The following MCTP1 variants were observed in gnomAD, a reference collection of about 807,000 sequenced individuals.
MCTP1 encodes multiple C2 and transmembrane domain-containing protein 1.
In MCTP1, 69 loss-of-function variants were observed where a neutral mutation model predicts 120.6. The ratio of observed to expected loss-of-function variants is 0.57; its 90% CI spans 0.47 to 0.70. The LOEUF is 0.70. Ranked by LOEUF, MCTP1 falls within the 30% of genes least tolerant of loss-of-function variation. The probability of loss-of-function intolerance (pLI) is 0.00; values close to 1 mark genes in which losing one functional copy is unlikely to be tolerated. For synonymous variants in MCTP1, 529 were observed against 493.1 expected, an observed-to-expected ratio of 1.07 and a Z score of -0.96; for missense variants, 1,203 against 1,248.8, an observed-to-expected ratio of 0.96 and a Z score of 0.55.
chr5:94,764,926 A>G (rs1265308926), intron 19 of MCTP1, among the ~76,000 whole-genome samples: 2 of 152,078 alleles, frequency 1.3e-5, no homozygotes, highest in Non-Finnish European at 2.9e-5. Flanking sequence ...CATTTAATCG[A>G]ACAGCTGCAG....
intron 1 of MCTP1, among the ~76,000 whole-genome samples, chr5:95,132,783 A>G (rs1759144544): frequency 6.6e-6 from 1 of 152,222 alleles, no homozygotes; most frequent in African/African-American, 2.4e-5. Flanking sequence ...TTGGCTTTGT[A>G]GCATGTATCA....
intron 19 of MCTP1, among the ~76,000 whole-genome samples, chr5:94,744,233 C>T (rs1413004355): frequency 2.0e-5 from 3 of 152,218 alleles, no homozygotes; most frequent in Non-Finnish European, 4.4e-5. Flanking sequence ...CTTGGCCTCC[C>T]AAAGTGCTCG....
intron 1 of MCTP1, among the ~76,000 whole-genome samples, chr5:95,126,644 AT>A (rs758797299): frequency 6.6e-6 from 1 of 152,154 alleles, no homozygotes; most frequent in Non-Finnish European, 1.5e-5. Context: ...GTGTGTCATT[AT>A]TTTATTGCAC....
intron 1 of MCTP1, among the ~76,000 whole-genome samples, chr5:95,240,354 ATAGAT>A (rs1458189473): frequency 1.3e-5 from 2 of 152,224 alleles, no homozygotes; most frequent in African/African-American, 4.8e-5. Context: ...ATGTAGTAGT[ATAGAT>A]TAGATATGAT....
intron 3 of MCTP1, among the ~76,000 whole-genome samples, chr5:94,952,237 T>C (rs906825951): frequency 1.1e-4 from 16 of 148,244 alleles, no homozygotes; most frequent in African/African-American, 4.0e-4. Flanking sequence ...ATGGAGACAA[T>C]TTATTATGCA....
intron 10 of MCTP1, among the ~76,000 whole-genome samples, chr5:94,900,102 T>C (rs2153416802): frequency 6.6e-6 from 1 of 152,320 alleles, no homozygotes; most frequent in South Asian, 2.1e-4. Flanking sequence ...TATGTGTCAC[T>C]TGCTGATGCA....
At chr5:95,164,483 C>T (rs1231460055) in intron 1 of MCTP1, among the ~76,000 whole-genome samples, 1 of 152,172 alleles carries the variant, frequency 6.6e-6, no homozygotes, top group Admixed American at 6.5e-5. Context: ...ATTACCTAAA[C>T]ACAATTATGT....
chr5:94,917,974 C>T lies in MCTP1; in HGVS notation c.1273-1G>A, dbSNP rs748906907. 6.2e-7 allele frequency: 1 copy of T among 1,613,670 alleles called. No individual in the cohort carries two copies. Among genetic ancestry groups the T allele is most frequent in the Non-Finnish European group, 8.5e-7 (1 of 1,179,562 alleles). On this transcript the variant is annotated splice_acceptor_variant, in intron 7 of 22. Transcript: ENST00000515393. LOFTEE classifies it high-confidence loss of function. ...CAGGAAGAGCTGGCCTGCCGCACGT[C>T]TGGATGGAAATGAATGATCAGAGCT...
At chr5:94,963,474 C>CT (rs70978150) in intron 2 of MCTP1, among the ~76,000 whole-genome samples, 48,984 of 141,676 alleles carry the variant, frequency 0.35, 8,266 homozygotes, top group Non-Finnish European at 0.39. Context: ...CACTTGTTTT[C>CT]TTTTTTTTTT....
intron 19 of MCTP1, among the ~76,000 whole-genome samples, chr5:94,775,564 T>A (rs893133781): frequency 6.6e-6 from 1 of 152,184 alleles, no homozygotes; most frequent in Non-Finnish European, 1.5e-5. Context: ...TGTGACTTTG[T>A]GGTTGATGGT....
chr5:95,193,318 A>G (rs1052752519), intron 1 of MCTP1, among the ~76,000 whole-genome samples: 2 of 152,174 alleles, frequency 1.3e-5, no homozygotes, highest in Admixed American at 1.3e-4. Context: ...TTGTGACTCC[A>G]TAAGGTTATT....
intron 17 of MCTP1, among the ~76,000 whole-genome samples, chr5:94,808,624 T>C (rs1782833480): frequency 6.6e-6 from 1 of 152,160 alleles, no homozygotes. Context: ...CTGTTGTGTT[T>C]TGTTGTGTGT....
At chr5:94,849,836 A>G (rs574360288) in intron 17 of MCTP1, among the ~76,000 whole-genome samples, 10 of 152,276 alleles carry the variant, frequency 6.6e-5, no homozygotes, top group African/African-American at 2.4e-4. Context: ...AACTGCTGCA[A>G]AAAAAAGAAG....
chr5:94,709,757 T>C (rs1391370689), intron 21 of MCTP1: 2 of 152,036 alleles, frequency 1.3e-5, no homozygotes, highest in Admixed American at 1.3e-4. Flanking sequence ...AAAAAATAAT[T>C]ACCATTTCCC....
At chr5:94,909,492 T>TTTTCAAAAA in intron 9 of MCTP1, 111 bp from the exon 10 acceptor site, 1 of 988,364 alleles carries the variant, frequency 1.0e-6, no homozygotes, top group East Asian at 2.6e-5. Flanking sequence ...AAGCACGCTG[T>TTTTCAAAAA]GTGCTATTTG....
intron 17 of MCTP1, among the ~76,000 whole-genome samples, chr5:94,818,241 T>C (rs1400826502): frequency 2.0e-5 from 3 of 152,178 alleles, no homozygotes; most frequent in Non-Finnish European, 4.4e-5. Flanking sequence ...CAGACATGTC[T>C]GAAAGTATGA....
intron 1 of MCTP1, among the ~76,000 whole-genome samples, chr5:95,074,200 A>C (rs1181104946): frequency 6.6e-6 from 1 of 152,244 alleles, no homozygotes; most frequent in East Asian, 1.9e-4. Context: ...GCCTGGGTAC[A>C]TGTAGTTTGA....
chr5:94,994,362 G>A (rs1293580378), intron 2 of MCTP1, among the ~76,000 whole-genome samples: 1 of 152,126 alleles, frequency 6.6e-6, no homozygotes, highest in African/African-American at 2.4e-5. Context: ...TTGTATTTGA[G>A]GAATTCCATA....
At chr5:94,766,414 A>G (rs1325203796) in intron 19 of MCTP1, among the ~76,000 whole-genome samples, 1 of 151,872 alleles carries the variant, frequency 6.6e-6, no homozygotes, top group African/African-American at 2.4e-5. Context: ...TGAGCAAGCT[A>G]TCGCAAGGAC....
Sources: gnomAD v4.1 joint callset for allele counts (sites outside exome capture counted in the v4.1 genomes callset) on GRCh38, gnomAD v4.1.1 for gene constraint, MANE v1.5 for transcripts, NCBI Gene and HGNC (gene_info 2026-07-23, HGNC 2026-07-21) for gene names.